The following CAPN7 variants were observed in gnomAD, a reference collection of about 807,000 sequenced individuals.
CAPN7 encodes calpain-7.
CAPN7 carries 72 observed loss-of-function variants against 115.2 expected under a neutral mutation model. The observed-to-expected ratio is 0.63, with a 90% CI of 0.52 to 0.76. The LOEUF is 0.76. Ranked by LOEUF, CAPN7 falls within the 30% of genes least tolerant of loss-of-function variation. The pLI is 0.00. For missense variants in CAPN7, 905 were observed against 971.5 expected (o/e 0.93, Z 0.91); for synonymous variants, 344 against 322.3 (o/e 1.07, Z -0.72).
intron 15 of CAPN7, among the ~76,000 whole-genome samples, chr3:15,241,887 A>T (rs1695371573): frequency 6.6e-6 from 1 of 152,162 alleles, no homozygotes; most frequent in Admixed American, 6.5e-5. Flanking sequence ...AAATATGCTG[A>T]AGGGAATTTG....
At chr3:15,209,673 T>C (rs1280964214) in intron 1 of CAPN7, among the ~76,000 whole-genome samples, 1 of 152,222 alleles carries the variant, frequency 6.6e-6, no homozygotes, top group African/African-American at 2.4e-5. Context: ...AGGCATTGTT[T>C]AAGAGAAAAA....
intron 6 of CAPN7, among the ~76,000 whole-genome samples, chr3:15,226,757 G>T (rs1694341048): frequency 6.6e-6 from 1 of 151,906 alleles, no homozygotes; most frequent in South Asian, 2.1e-4. Flanking sequence ...AAGTCTAGAG[G>T]TGTCCTTCAA....
In CAPN7 at chr3:15,242,258, G is replaced by A; in HGVS notation, c.1864+5G>A. The A allele has an allele frequency of 6.5e-7, 1 of 1,547,560 alleles. No individual in the cohort carries two copies. The highest frequency in any genetic ancestry group is 8.8e-7 in the Non-Finnish European group (1 of 1,135,994). On this transcript the variant is annotated splice_donor_5th_base_variant and intron_variant, in intron 16 of 20. Coordinates refer to ENST00000253693, the MANE Select transcript of CAPN7 (RefSeq NM_014296.3). ...GGAAAAAAGTTTATTACCCAGGTAT[G>A]TTTAGTAGCCCAGCAAACATTAAAA...
intron 18 of CAPN7, among the ~76,000 whole-genome samples, chr3:15,247,079 G>T (rs1298518658): frequency 6.6e-6 from 1 of 152,212 alleles, no homozygotes; most frequent in East Asian, 1.9e-4. Flanking sequence ...TGGGCTACAT[G>T]TATAGAGGAA....
intron 14 of CAPN7, among the ~76,000 whole-genome samples, 197 bp from the exon 15 acceptor site, chr3:15,241,256 T>C (rs770387610): frequency 3.3e-5 from 5 of 152,184 alleles, no homozygotes; most frequent in Non-Finnish European, 7.3e-5. Context: ...TAGCATTCCA[T>C]CTTTTTGTCA....
intron 4 of CAPN7, among the ~76,000 whole-genome samples, chr3:15,218,790 A>G (rs1005274644): frequency 1.3e-5 from 2 of 152,250 alleles, no homozygotes; most frequent in Admixed American, 6.5e-5. Flanking sequence ...GATATTTGCA[A>G]TGGAGGACCT....
At chr3:15,229,569 T>TC (rs1344573390) in intron 8 of CAPN7, among the ~76,000 whole-genome samples, 63 of 80,222 alleles carry the variant, frequency 7.9e-4, no homozygotes, top group Non-Finnish European at 1.6e-3. Context: ...TTCTTTTTTT[T>TC]TTTTTTTTTT....
intron 19 of CAPN7, among the ~76,000 whole-genome samples, chr3:15,249,757 A>G (rs1388952681): frequency 1.3e-5 from 2 of 151,476 alleles, no homozygotes; most frequent in East Asian, 3.9e-4. Flanking sequence ...ATTTGTTACA[A>G]TAACAATTTT....
intron 10 of CAPN7, among the ~76,000 whole-genome samples, chr3:15,233,022 A>G (rs902582687): frequency 3.9e-5 from 6 of 152,198 alleles, no homozygotes; most frequent in African/African-American, 7.2e-5. Flanking sequence ...AACTTAACCT[A>G]TAAGATTGAG....
intron 2 of CAPN7, among the ~76,000 whole-genome samples, chr3:15,216,649 G>C (rs1301367267): frequency 6.6e-6 from 1 of 152,016 alleles, no homozygotes; most frequent in Non-Finnish European, 1.5e-5. Flanking sequence ...TATCATCAGA[G>C]CCTAGTATAT....
intron 16 of CAPN7, among the ~76,000 whole-genome samples, chr3:15,242,484 T>C (rs1399877053): frequency 1.3e-5 from 2 of 152,220 alleles, no homozygotes; most frequent in African/African-American, 4.8e-5. Flanking sequence ...CACATGGCTG[T>C]CAGAATTTTA....
chr3:15,236,869 T>C (rs796267757), intron 12 of CAPN7, among the ~76,000 whole-genome samples: 10 of 152,332 alleles, frequency 6.6e-5, no homozygotes, highest in African/African-American at 2.4e-4. Context: ...GGACTGGAAG[T>C]TGCTTTGGGT....
Position 15,241,434 on chromosome 3 carries a change from T to C in CAPN7, c.1653-19T>C, listed in dbSNP as rs1695341904. 1.2e-6 allele frequency: 2 copies of C among 1,609,500 alleles called. No individual in the cohort carries two copies. Among genetic ancestry groups the C allele is most frequent in the Non-Finnish European group, 1.7e-6 (2 of 1,177,512 alleles). On this transcript the variant is annotated intron_variant, in intron 14 of 20. Transcript: ENST00000253693. ...TGAGAAATTTAATTACAACCTTCTT[T>C]GTTGACTTTATCTTTTAGTACTTGG...
At chr3:15,250,859 C>A in intron 19 of CAPN7, 72 bp from the exon 20 acceptor site, 1 of 1,079,142 alleles carries the variant, frequency 9.3e-7, no homozygotes, top group Non-Finnish European at 1.4e-6. Flanking sequence ...ATCTGCACTT[C>A]AGATAAAGTT....
intron 6 of CAPN7, among the ~76,000 whole-genome samples, chr3:15,224,905 C>G (rs772215493): frequency 6.6e-6 from 1 of 152,116 alleles, no homozygotes; most frequent in Non-Finnish European, 1.5e-5. Context: ...CTGTGTGATG[C>G]TAGTAACTGA....
intron 9 of CAPN7, among the ~76,000 whole-genome samples, chr3:15,231,207 G>C (rs1307325990): frequency 6.6e-6 from 1 of 152,150 alleles, no homozygotes; most frequent in Non-Finnish European, 1.5e-5. Context: ...TCAAATTTTA[G>C]TATGCACAGA....
intron 12 of CAPN7, among the ~76,000 whole-genome samples, chr3:15,237,573 A>G (rs930997065): frequency 1.3e-5 from 2 of 152,226 alleles, no homozygotes; most frequent in African/African-American, 2.4e-5. Flanking sequence ...AGTGGCATAA[A>G]AATTGCCCAC....
chr3:15,247,992 A>C (rs1695768868), intron 19 of CAPN7, among the ~76,000 whole-genome samples: 1 of 149,998 alleles, frequency 6.7e-6, no homozygotes, highest in African/African-American at 2.5e-5. Context: ...ACATGGACAC[A>C]GGAAGGGGAA....
chr3:15,206,576 C>T lies in CAPN7; in HGVS notation c.81C>T (p.Ser27=). The change falls in exon 1 of 21, where the codon TCC becomes TCT. Residue 27 remains serine, a synonymous_variant. Transcript: ENST00000253693. The stretch of plus-strand genomic sequence containing the variant: ...AGCGCGACCACGAAGGCCGCTACTC[C>T]GAGGCGGTGTTTTATTACAAGGTAG... The part of the protein sequence containing the change: ...AVQRDHEGRY[S]EAVFYYKEAA... The T allele has an allele frequency of 1.9e-6, 3 of 1,550,750 alleles. No individual in the cohort carries two copies. Among genetic ancestry groups the T allele is most frequent in the East Asian group, 2.4e-5 (1 of 40,896 alleles).
Sources: gnomAD v4.1 joint callset for allele counts (sites outside exome capture counted in the v4.1 genomes callset) on GRCh38, gnomAD v4.1.1 for gene constraint, MANE v1.5 for transcripts, NCBI Gene and HGNC (gene_info 2026-07-23, HGNC 2026-07-21) for gene names.